Variants in ACTR3C observed in about 807,000 individuals in gnomAD.
ACTR3C encodes the protein actin-related protein 3C.
ACTR3C carries 18 observed loss-of-function variants against 26.3 expected under a neutral mutation model. The ratio of observed to expected loss-of-function variants is 0.68; its 90% CI spans 0.47 to 1.01. The LOEUF (loss-of-function observed/expected upper bound fraction) is 1.01, where lower values mean the gene tolerates loss of function less well. Ranked by LOEUF, ACTR3C falls within the 50% of genes least tolerant of loss-of-function variation. The pLI, the probability that ACTR3C is intolerant of heterozygous loss-of-function variation, is 0.00. For synonymous variants in ACTR3C, 55 were observed against 94.5 expected, an observed-to-expected ratio of 0.58 and a Z score of 2.42; for missense variants, 184 against 250.7, an observed-to-expected ratio of 0.73 and a Z score of 1.80.
the ACTR3C span, among the ~76,000 whole-genome samples, chr7:150,036,370 G>T: frequency 6.8e-6 from 1 of 147,564 alleles, no homozygotes; most frequent in South Asian, 2.1e-4. Context: ...TAGGCTACGG[G>T]CCTCAGCCAG....
chr7:150,295,488 T>G, intron 1 of ACTR3C, 141 bp from the exon 2 acceptor site: 1 of 1,012,400 alleles, frequency 9.9e-7, no homozygotes, highest in Admixed American at 2.4e-5. Flanking sequence ...ATGCCCAAAG[T>G]GTATTAAAGA....
chr7:150,097,199 C>T, the ACTR3C span, among the ~76,000 whole-genome samples: 1 of 151,824 alleles, frequency 6.6e-6, no homozygotes, highest in African/African-American at 2.4e-5. Context: ...AATCACAGGA[C>T]TCTGTGTTAG....
At chr7:149,973,266 G>A in the ACTR3C span, among the ~76,000 whole-genome samples, 5 of 152,222 alleles carry the variant, frequency 3.3e-5, no homozygotes, top group African/African-American at 1.2e-4. Context: ...TAACCCTGAT[G>A]TTTGCAGCCC....
chr7:150,301,076 A>G (rs1795411039), intron 1 of ACTR3C, among the ~76,000 whole-genome samples: 2 of 152,314 alleles, frequency 1.3e-5, no homozygotes, highest in African/African-American at 4.8e-5. Flanking sequence ...AACACTTAGA[A>G]TGGGGCTGGG....
At chr7:150,180,668 A>T in the ACTR3C span, among the ~76,000 whole-genome samples, 3 of 148,718 alleles carry the variant, frequency 2.0e-5, no homozygotes, top group Admixed American at 6.6e-5. Flanking sequence ...GCGCGCCACC[A>T]CGCCTGGCTA....
At chr7:150,266,363 T>C (rs1166089972) in intron 6 of ACTR3C, among the ~76,000 whole-genome samples, 2 of 150,028 alleles carry the variant, frequency 1.3e-5, no homozygotes, top group Admixed American at 6.6e-5. Context: ...GTGGGAATAA[T>C]TGATATCCAT....
At chr7:150,144,259 G>A in the ACTR3C span, among the ~76,000 whole-genome samples, 1 of 152,068 alleles carries the variant, frequency 6.6e-6, no homozygotes, top group Non-Finnish European at 1.5e-5. The surrounding 1 kb of genome is among the most constrained non-coding windows in gnomAD (Gnocchi z 4.6). Context: ...CTTTCCTAAA[G>A]ACTAGAAAAA....
the ACTR3C span, among the ~76,000 whole-genome samples, chr7:150,154,833 T>C: frequency 1.3e-5 from 2 of 152,028 alleles, no homozygotes; most frequent in Non-Finnish European, 2.9e-5. Flanking sequence ...CCCAGAAACA[T>C]GCTGAGTTTC....
At chr7:150,152,216 C>G in the ACTR3C span, among the ~76,000 whole-genome samples, 4 of 152,134 alleles carry the variant, frequency 2.6e-5, no homozygotes, top group Non-Finnish European at 4.4e-5. Context: ...CTGTCTTGTG[C>G]CAGTTTTCAA....
chr7:150,067,156 C>G, the ACTR3C span, among the ~76,000 whole-genome samples: 1 of 152,218 alleles, frequency 6.6e-6, no homozygotes, highest in Non-Finnish European at 1.5e-5. Context: ...GCAGTCAATA[C>G]AAAGAATGAA....
chr7:150,028,082 ATTT>A, the ACTR3C span, among the ~76,000 whole-genome samples: 1 of 152,310 alleles, frequency 6.6e-6, no homozygotes, highest in African/African-American at 2.4e-5. Context: ...CTCTTAATTG[ATTT>A]TTTGACTTTT....
chr7:150,184,936 T>C, the ACTR3C span, among the ~76,000 whole-genome samples: 5 of 150,206 alleles, frequency 3.3e-5, no homozygotes, highest in Non-Finnish European at 5.9e-5. Flanking sequence ...TCTGTTATTC[T>C]AGGCTTCCCA....
chr7:150,089,158 T>C, the ACTR3C span, among the ~76,000 whole-genome samples: 1 of 152,242 alleles, frequency 6.6e-6, no homozygotes, highest in East Asian at 1.9e-4. Context: ...ATTTATTTTT[T>C]AGATCTGACA....
At chr7:149,998,216 G>C in the ACTR3C span, among the ~76,000 whole-genome samples, 1 of 151,458 alleles carries the variant, frequency 6.6e-6, no homozygotes, top group East Asian at 2.0e-4. Flanking sequence ...AGCTGAGCAA[G>C]TCCCTAGGAG....
At chr7:150,143,187 G>A in the ACTR3C span, among the ~76,000 whole-genome samples, 1 of 152,140 alleles carries the variant, frequency 6.6e-6, no homozygotes, top group Non-Finnish European at 1.5e-5. Flanking sequence ...GGACCACCCA[G>A]AGATTGGCCA....
chr7:150,094,869 G>A, the ACTR3C span, among the ~76,000 whole-genome samples: 38 of 150,346 alleles, frequency 2.5e-4, 4 homozygotes, highest in African/African-American at 8.0e-4. Flanking sequence ...TCGTCCAACC[G>A]GAAGGTGAAG....
the ACTR3C span, among the ~76,000 whole-genome samples, chr7:149,905,682 T>C: frequency 0.72 from 105,463 of 146,512 alleles, 38,596 homozygotes; most frequent in East Asian, 0.91. Context: ...TATGAACAGG[T>C]AATGAAAGGT....
At chr7:150,180,174 G>T in the ACTR3C span, among the ~76,000 whole-genome samples, 1 of 149,996 alleles carries the variant, frequency 6.7e-6, no homozygotes, top group Non-Finnish European at 1.5e-5. Flanking sequence ...GCGTGGTCGT[G>T]GGCACCTGTA....
At chr7:150,035,924 CG>C in the ACTR3C span, among the ~76,000 whole-genome samples, 5 of 135,818 alleles carry the variant, frequency 3.7e-5, 1 homozygote, top group Non-Finnish European at 6.7e-5. Flanking sequence ...GGGGGTGCCT[CG>C]CCCTCCTGCG....
Sources: allele counts gnomAD v4.1 joint callset (sites outside exome capture counted in the v4.1 genomes callset), GRCh38; gene constraint gnomAD v4.1.1; non-coding constraint Gnocchi (gnomAD v3.1); transcripts MANE v1.5; gene names NCBI Gene and HGNC (gene_info 2026-07-23, HGNC 2026-07-21).